The following NR2F1-AS1 variants were observed in gnomAD, a reference collection of about 807,000 sequenced individuals.
NR2F1-AS1 encodes the protein NR2F1 regulatory antisense RNA 1.
chr5:93,532,675 G>A (rs529264060), intron 4 of NR2F1-AS1, among the ~76,000 whole-genome samples: 3 of 152,342 alleles, frequency 2.0e-5, no homozygotes, highest in South Asian at 2.1e-4. Flanking sequence ...CCACAGGAAC[G>A]GTTTGGCAGG....
intron 4 of NR2F1-AS1, among the ~76,000 whole-genome samples, chr5:93,498,791 G>A (rs961550147): frequency 2.0e-5 from 3 of 152,152 alleles, no homozygotes; most frequent in African/African-American, 7.2e-5. Flanking sequence ...AGGCTCTTCA[G>A]AGGCTGAGAA....
chr5:93,488,003 A>G lies in NR2F1-AS1; in HGVS notation n.638+65758T>C, dbSNP rs142611431. 5.6e-4 allele frequency among the ~76,000 whole-genome samples: 86 copies of G among 152,302 alleles called. 1 individual carries two copies. In the East Asian group the frequency reaches 0.015, roughly 27 times the overall value. On this transcript the variant is annotated intron_variant and non_coding_transcript_variant, in intron 4 of 5. Coordinates refer to ENST00000660523, the Ensembl canonical transcript of NR2F1-AS1. ...ACAAGCAATGTGGAAAGGATTCCCT[A>G]TTTAATAAATGGTATTGGGAAAACT...
upstream of NR2F1-AS1, among the ~76,000 whole-genome samples, chr5:93,581,668 GTCTCTCTC>G (rs1232503527): frequency 1.2e-4 from 4 of 32,122 alleles, no homozygotes; most frequent in Non-Finnish European, 2.0e-4. Flanking sequence ...CGGGGTCTCG[GTCTCTCTC>G]TCTCTCTCTC....
chr5:93,501,518 TA>T (rs1751079705), intron 4 of NR2F1-AS1, among the ~76,000 whole-genome samples: 1 of 152,046 alleles, frequency 6.6e-6, no homozygotes, highest in Non-Finnish European at 1.5e-5. Context: ...CATACCCAGC[TA>T]ATTTTTGTAT....
intron 4 of NR2F1-AS1, among the ~76,000 whole-genome samples, chr5:93,425,892 A>T (rs1307828647): frequency 6.6e-6 from 1 of 152,196 alleles, no homozygotes; most frequent in Non-Finnish European, 1.5e-5. Flanking sequence ...CTGGCAAAGA[A>T]CAGGCATTCA....
intron 4 of NR2F1-AS1, among the ~76,000 whole-genome samples, chr5:93,498,126 C>G (rs1257895551): frequency 6.6e-6 from 1 of 151,838 alleles, no homozygotes; most frequent in South Asian, 2.1e-4. Flanking sequence ...GAATTTGAGA[C>G]CAGCCTGGGC....
intron 4 of NR2F1-AS1, among the ~76,000 whole-genome samples, chr5:93,512,913 C>T (rs550586559): frequency 1.3e-5 from 2 of 152,244 alleles, no homozygotes; most frequent in South Asian, 2.1e-4. Flanking sequence ...GACAAAGTCA[C>T]CTAATGACAC....
At chr5:93,581,749 CCTCTCCCTCTCCTCTCT>C (rs1753063241), upstream of NR2F1-AS1, among the ~76,000 whole-genome samples, 2 of 46,590 alleles carry the variant, frequency 4.3e-5, no homozygotes, top group African/African-American at 9.6e-5. Context: ...TCTCCCTCTC[CCTCTCCCTCTCCTCTCT>C]CCCTCTCCCT....
intron 4 of NR2F1-AS1, among the ~76,000 whole-genome samples, chr5:93,505,599 T>C (rs762413858): frequency 6.6e-6 from 1 of 152,258 alleles, no homozygotes; most frequent in African/African-American, 2.4e-5. Context: ...TCTTGACTTC[T>C]GTGCCCTTGC....
intron 4 of NR2F1-AS1, among the ~76,000 whole-genome samples, chr5:93,464,144 G>T (rs1750165738): frequency 6.6e-6 from 1 of 152,288 alleles, no homozygotes; most frequent in Admixed American, 6.5e-5. Context: ...GAACCTGGTA[G>T]GGGGTGATTG....
At chr5:93,480,847 C>T (rs1216033541) in intron 4 of NR2F1-AS1, among the ~76,000 whole-genome samples, 1 of 151,538 alleles carries the variant, frequency 6.6e-6, no homozygotes, top group Non-Finnish European at 1.5e-5. Context: ...CCCATGGTAA[C>T]CACTAAGAAA....
upstream of NR2F1-AS1, chr5:93,584,585 G>A (rs1277461279): frequency 6.9e-6 from 1 of 144,148 alleles, no homozygotes; most frequent in African/African-American, 2.5e-5. Context: ...ACTTGGGGAA[G>A]AAGAAAAAAG....
intron 4 of NR2F1-AS1, among the ~76,000 whole-genome samples, chr5:93,482,398 G>C (rs1328703666): frequency 6.6e-6 from 1 of 152,154 alleles, no homozygotes; most frequent in Non-Finnish European, 1.5e-5. Context: ...ACTGTGCCAT[G>C]AGGAACAGTG....
At chr5:93,456,328 CA>C (rs1749946301) in intron 4 of NR2F1-AS1, among the ~76,000 whole-genome samples, 1 of 152,062 alleles carries the variant, frequency 6.6e-6, no homozygotes, top group Non-Finnish European at 1.5e-5. Context: ...ATTCAAAAGT[CA>C]ATGCAATTTA....
intron 4 of NR2F1-AS1, among the ~76,000 whole-genome samples, chr5:93,470,254 C>G (rs1404571038): frequency 6.6e-6 from 1 of 151,792 alleles, no homozygotes; most frequent in Non-Finnish European, 1.5e-5. Flanking sequence ...ACAGCAAAAA[C>G]AAAAATTATG....
At chr5:93,495,964 G>A (rs1750951962) in intron 4 of NR2F1-AS1, 1 of 152,104 alleles carries the variant, frequency 6.6e-6, no homozygotes, top group African/African-American at 2.4e-5. Flanking sequence ...ATGGAAGATA[G>A]ATGGTATTAT....
chr5:93,432,635 A>G lies in NR2F1-AS1; in HGVS notation n.639-37093T>C, dbSNP rs545546543. On this transcript the variant is annotated intron_variant and non_coding_transcript_variant, in intron 4 of 5. Coordinates refer to ENST00000660523, the Ensembl canonical transcript of NR2F1-AS1. ...AAAATAACTATTTTAAATGGTCATT[A>G]AATTATCCATTCCCCTATTTCTCCA... Among the ~76,000 whole-genome samples the G allele has an allele frequency of 2.0e-5, 3 of 152,308 alleles. No individual in the cohort carries two copies. In the South Asian group the frequency reaches 6.2e-4, roughly 32 times the overall value.
intron 4 of NR2F1-AS1, among the ~76,000 whole-genome samples, chr5:93,454,282 C>A (rs1391657659): frequency 6.6e-6 from 1 of 151,894 alleles, no homozygotes; most frequent in Non-Finnish European, 1.5e-5. Context: ...AGAGGGAAAC[C>A]CTGTCTCATA....
chr5:93,551,870 A>G (rs982033244), intron 4 of NR2F1-AS1, among the ~76,000 whole-genome samples: 57 of 152,308 alleles, frequency 3.7e-4, no homozygotes, highest in African/African-American at 1.3e-3. Flanking sequence ...CACATTATAC[A>G]TTGACTCCAA....
Sources: allele counts gnomAD v4.1 joint callset (sites outside exome capture counted in the v4.1 genomes callset), GRCh38; gene constraint gnomAD v4.1.1; transcripts MANE v1.5; gene names NCBI Gene and HGNC (gene_info 2026-07-23, HGNC 2026-07-21).